The following ANK1 variants were observed in gnomAD, a reference collection of about 807,000 sequenced individuals.
ANK1 encodes the protein ankyrin 1.
Under a neutral mutation model 210.4 loss-of-function variants are expected in ANK1, and 51 were observed. The observed-to-expected ratio is 0.24, with a 90% CI of 0.19 to 0.31. The LOEUF (loss-of-function observed/expected upper bound fraction) is 0.31, where lower values mean the gene tolerates loss of function less well. ANK1 is among the 10% of genes least tolerant of loss of function. The pLI is 1.00. For missense variants in ANK1, 2,051 were observed against 2,504.4 expected (o/e 0.82, Z 3.86); for synonymous variants, 967 against 1,025.9 (o/e 0.94, Z 1.10).
intron 2 of ANK1, among the ~76,000 whole-genome samples, chr8:41,754,597 C>T (rs551196312): frequency 3.3e-5 from 5 of 152,324 alleles, no homozygotes; most frequent in Non-Finnish European, 5.9e-5. Flanking sequence ...AGATTCAAGC[C>T]GAAAGCAAAT....
At chr8:41,877,624 GAGAC>G (rs1207222321) in intron 1 of ANK1, among the ~76,000 whole-genome samples, 3 of 152,252 alleles carry the variant, frequency 2.0e-5, no homozygotes, top group Non-Finnish European at 4.4e-5. Context: ...GAGGAAGAGA[GAGAC>G]AGACAATAAA....
At chr8:41,800,634 C>T (rs1015239308), upstream of ANK1, among the ~76,000 whole-genome samples, 1 of 152,178 alleles carries the variant, frequency 6.6e-6, no homozygotes, top group African/African-American at 2.4e-5. Context: ...TGCCCTGCTC[C>T]CCTCCCCAAC....
chr8:41,840,916 G>A (rs1808775243), intron 1 of ANK1, among the ~76,000 whole-genome samples: 1 of 152,210 alleles, frequency 6.6e-6, no homozygotes, highest in South Asian at 2.1e-4. Context: ...TGCTGGCCAG[G>A]TCATGGAGAA....
At chr8:41,753,303 T>G (rs1586710577) in intron 2 of ANK1, among the ~76,000 whole-genome samples, 1 of 152,038 alleles carries the variant, frequency 6.6e-6, no homozygotes, top group African/African-American at 2.4e-5. Flanking sequence ...TGACCTCAGG[T>G]GATCTGCCCA....
chr8:41,717,640 G>A lies in ANK1; in HGVS notation c.1269C>T (p.Leu423=). 1 of 1,551,682 alleles carries A rather than the reference G, an allele frequency of 6.4e-7. No homozygotes were observed. The highest frequency in any genetic ancestry group is 8.7e-7 in the Non-Finnish European group (1 of 1,147,002). ...FMGHLPIVKN[L]LQRGASPNVS... ...CGTTGGGCGACGCCCCCCGCTGCAG[G>A]AGGTTCTTCACGATGGGAAGGTGCC... The change falls in exon 12 of 43, where the codon CTC becomes CTT. Residue 423 remains leucine (L), a synonymous_variant. Transcript: ENST00000289734.
At chr8:41,673,138 G>C (rs1430401828) in intron 37 of ANK1, among the ~76,000 whole-genome samples, 1 of 152,194 alleles carries the variant, frequency 6.6e-6, no homozygotes. Flanking sequence ...GAATTGGGTG[G>C]GGGCAGCCAG....
intron 15 of ANK1, among the ~76,000 whole-genome samples, chr8:41,714,549 T>G (rs1456038381): frequency 6.6e-6 from 1 of 151,990 alleles, no homozygotes; most frequent in African/African-American, 2.4e-5. Context: ...GGCCATTCTC[T>G]CTCGATGGCT....
At chr8:41,660,528 A>C (rs1467957717) in intron 42 of ANK1, 1 of 467,306 alleles carries the variant, frequency 2.1e-6, no homozygotes, top group Non-Finnish European at 4.4e-6. Context: ...GATGGAGATC[A>C]GAGCCGGCCG....
chr8:41,678,525 T>C (rs1000175241), intron 37 of ANK1, among the ~76,000 whole-genome samples: 1 of 152,246 alleles, frequency 6.6e-6, no homozygotes, highest in African/African-American at 2.4e-5. Flanking sequence ...AATTGCCCCA[T>C]AGCTCACTTT....
chr8:41,853,723 C>T (rs1184360880), intron 1 of ANK1, among the ~76,000 whole-genome samples: 1 of 152,094 alleles, frequency 6.6e-6, no homozygotes, highest in African/African-American at 2.4e-5. Flanking sequence ...CTCACTTTCC[C>T]TTGGGATTTT....
chr8:41,661,040 CT>C (rs903552526), intron 42 of ANK1: 438 of 263,604 alleles, frequency 1.7e-3, no homozygotes, highest in South Asian at 3.8e-3. Context: ...TTCTTTCTGG[CT>C]TTTTTTTTTC....
intron 1 of ANK1, among the ~76,000 whole-genome samples, chr8:41,887,550 T>C (rs1055680154): frequency 6.6e-6 from 1 of 152,188 alleles, no homozygotes; most frequent in Non-Finnish European, 1.5e-5. Flanking sequence ...TGAGCCACTG[T>C]GCCCAGCTTA....
At chr8:41,867,329 T>A (rs1814664777) in intron 1 of ANK1, among the ~76,000 whole-genome samples, 1 of 152,160 alleles carries the variant, frequency 6.6e-6, no homozygotes, top group African/African-American at 2.4e-5. Context: ...GGAGGCAACA[T>A]CAGCTCTCAA....
At position 41,668,472 on chromosome 8, in the gene ANK1, T is replaced by C; in HGVS notation, c.5189A>G (p.His1730Arg). 6.2e-7 allele frequency: 1 copy of C among 1,614,166 alleles called. No individual in the cohort carries two copies. The highest frequency in any genetic ancestry group is 2.2e-5 in the East Asian group (1 of 44,872). The part of the protein sequence containing the change: ...SWQEEVTQGP[H>R]SFQGTSTMTE... ...CATGGTACTTGTTCCCTGGAATGAG[T>C]GTGGACCTTGCGTGACCTCCTCTTG... is the stretch of plus-strand genomic sequence containing the variant. Residue 1730 changes from histidine (H) to arginine (R), a missense_variant, in exon 39 of 43, where the codon CAC (histidine) becomes CGC (arginine). Around this residue, in one of 6 missense-constraint regions of ANK1, gnomAD observed 496 missense variants for 533.4 expected, o/e 0.93. Transcript: ENST00000289734.
intron 1 of ANK1, among the ~76,000 whole-genome samples, chr8:41,887,056 C>G (rs1818569544): frequency 6.6e-6 from 1 of 152,096 alleles, no homozygotes; most frequent in Admixed American, 6.6e-5. Context: ...TCCACAGCAC[C>G]TTGGAATCCC....
chr8:41,720,895 C>T (rs117549049), intron 9 of ANK1, among the ~76,000 whole-genome samples: 2 of 152,216 alleles, frequency 1.3e-5, no homozygotes, highest in East Asian at 1.9e-4. Flanking sequence ...GAGGTGATTC[C>T]AAGCATGGAG....
At chr8:41,883,196 CA>C (rs368438241) in intron 1 of ANK1, among the ~76,000 whole-genome samples, 10 of 152,210 alleles carry the variant, frequency 6.6e-5, no homozygotes, top group African/African-American at 2.4e-4. Context: ...CTCCCCATAT[CA>C]ACCCACAACA....
In ANK1 at chr8:41,690,508, G is replaced by A; in HGVS notation, c.3950C>T (p.Ser1317Leu). The change falls in exon 32 of 43, where the codon TCA becomes TTA. Residue 1317 changes from serine to leucine, a missense_variant. Coordinates refer to ENST00000289734, the MANE Select transcript of ANK1 (RefSeq NM_000037.4). The stretch of plus-strand genomic sequence containing the variant: ...CATGGCCAGACGGTTCTCCCGAAAT[G>A]ACTGGAAGTGGAAGCTCCGCTGCTG... The part of the protein sequence containing the change: ...AAQQRSFHFQ[S>L]FRENRLAMPV... 6.2e-7 allele frequency: 1 copy of A among 1,614,200 alleles called. No individual in the cohort carries two copies. Among genetic ancestry groups the A allele is most frequent in the Non-Finnish European group, 8.5e-7 (1 of 1,180,026 alleles).
At chr8:41,712,001 C>T (rs1455731775) in intron 16 of ANK1, among the ~76,000 whole-genome samples, 2 of 151,880 alleles carry the variant, frequency 1.3e-5, no homozygotes, top group South Asian at 2.1e-4. Context: ...CTTGGCTCGC[C>T]GCAATCTCTG....
Sources: gnomAD v4.1 joint callset for allele counts (sites outside exome capture counted in the v4.1 genomes callset) on GRCh38, gnomAD v4.1.1 for gene constraint, gnomAD v4.1.1 regional missense constraint, MANE v1.5 for transcripts, NCBI Gene and HGNC (gene_info 2026-07-23, HGNC 2026-07-21) for gene names.